Variants in ATP6V0A4 observed in about 807,000 individuals in gnomAD.
ATP6V0A4 encodes V-type proton ATPase 116 kDa subunit a 4.
In ATP6V0A4, 86 loss-of-function variants were observed where a neutral mutation model predicts 107.3. The observed-to-expected ratio is 0.80, with a 90% CI of 0.67 to 0.96. The LOEUF (loss-of-function observed/expected upper bound fraction) is 0.96, where lower values mean the gene tolerates loss of function less well. Among genes scored for constraint, ATP6V0A4 ranks in the 40% least tolerant of loss-of-function variants. The pLI is 0.00. For missense variants in ATP6V0A4, 908 were observed against 1,045.6 expected (o/e 0.87, Z 1.81); for synonymous variants, 353 against 381.4 (o/e 0.93, Z 0.87).
intron 8 of ATP6V0A4, among the ~76,000 whole-genome samples, chr7:138,757,963 T>C (rs1046208564): frequency 3.3e-5 from 5 of 152,176 alleles, no homozygotes; most frequent in South Asian, 2.1e-4. Context: ...TTCCAAAAGG[T>C]TTCTCTACCC....
At chr7:138,722,159 T>A in intron 18 of ATP6V0A4, 134 bp from the exon 19 acceptor site, 1 of 1,437,560 alleles carries the variant, frequency 7.0e-7, no homozygotes, top group Non-Finnish European at 9.4e-7. Context: ...ACTATCTCAT[T>A]AAGCCCTCAC....
Position 138,761,678 on chromosome 7 carries a change from ATATTT to A in ATP6V0A4, c.512+657_512+661del, listed in dbSNP as rs1584934057. On this transcript the variant is annotated intron_variant, in intron 7 of 21. Coordinates refer to ENST00000310018, the MANE Select transcript of ATP6V0A4 (RefSeq NM_020632.3). ...CCAAATGCATTTTATTATCAAAGTA[ATATTT>A]TATTTTATTTTCTTGAGCTGGAGTC... is the stretch of plus-strand genomic sequence containing the variant. Among the ~76,000 whole-genome samples the A allele has an allele frequency of 3.3e-5, 5 of 151,236 alleles. No individual in the cohort carries two copies. In the East Asian group the frequency reaches 9.8e-4, roughly 30 times the overall value.
chr7:138,766,431 C>T (rs1436460264), intron 5 of ATP6V0A4, among the ~76,000 whole-genome samples: 2 of 151,986 alleles, frequency 1.3e-5, no homozygotes, highest in African/African-American at 4.8e-5. Flanking sequence ...GTCTCGAACT[C>T]CTGACCTCAA....
At position 138,763,200 on chromosome 7, in the gene ATP6V0A4, C is replaced by T. The variant is rs1358942051; in HGVS notation, c.292-175G>A. The T allele has an allele frequency of 1.9e-5, 7 of 368,726 alleles. No homozygotes were observed. The Admixed American group carries it at 4.5e-4, about 24-fold the overall frequency. 22.8% of individuals were successfully genotyped at this position (368,726 alleles called of 1,614,324 possible). A position where few individuals can be genotyped will look rare whatever the true frequency, so the allele number is the denominator to read the frequency against. ...AGACACACACAGACACACACACACA[C>T]ACACACACACACGTGCATGCTCTCT... On this transcript the variant is annotated intron_variant, in intron 5 of 21. Coordinates refer to ENST00000310018, the MANE Select transcript of ATP6V0A4 (RefSeq NM_020632.3).
chr7:138,756,336 G>C, intron 9 of ATP6V0A4, 122 bp downstream of exon 9: 1 of 1,517,994 alleles, frequency 6.6e-7, no homozygotes, highest in South Asian at 1.2e-5. Context: ...TTTTATGTGA[G>C]AAAGTTATTC....
chr7:138,743,634 G>T (rs1467858056), intron 14 of ATP6V0A4, among the ~76,000 whole-genome samples: 2 of 152,156 alleles, frequency 1.3e-5, no homozygotes, highest in African/African-American at 2.4e-5. Context: ...GGGAGAGGAA[G>T]AATGGGAAAA....
chr7:138,710,351 C>G (rs1427389744), intron 20 of ATP6V0A4, among the ~76,000 whole-genome samples: 1 of 152,024 alleles, frequency 6.6e-6, no homozygotes, highest in African/African-American at 2.4e-5. Context: ...GCAACTACAC[C>G]CAGCTAATTT....
chr7:138,751,381 C>T (rs1806216577), intron 11 of ATP6V0A4, among the ~76,000 whole-genome samples: 1 of 152,120 alleles, frequency 6.6e-6, no homozygotes, highest in Non-Finnish European at 1.5e-5. Context: ...CTAAAAACAG[C>T]TGTCAAGCCC....
chr7:138,752,581 G>T, intron 11 of ATP6V0A4, 44 bp downstream of exon 11: 1 of 1,608,892 alleles, frequency 6.2e-7, no homozygotes. Flanking sequence ...GCCCAGCAGA[G>T]GGGCTGACTC....
chr7:138,778,952 C>T (rs1241648838), intron 2 of ATP6V0A4, among the ~76,000 whole-genome samples: 1 of 152,136 alleles, frequency 6.6e-6, no homozygotes, highest in Non-Finnish European at 1.5e-5. Flanking sequence ...CCTCCAGCCC[C>T]GGTGGTAGCA....
chr7:138,746,659 A>G (rs955502637), intron 13 of ATP6V0A4, among the ~76,000 whole-genome samples: 4 of 152,140 alleles, frequency 2.6e-5, no homozygotes, highest in African/African-American at 9.7e-5. Context: ...GCCCACCACC[A>G]TGCCTGGCTA....
chr7:138,776,104 T>C (rs1244744585), intron 2 of ATP6V0A4, among the ~76,000 whole-genome samples: 3 of 152,190 alleles, frequency 2.0e-5, no homozygotes, highest in Non-Finnish European at 2.9e-5. Context: ...TGAACCACCA[T>C]GCCTGGCCAA....
At position 138,745,658 on chromosome 7, in the gene ATP6V0A4, C is replaced by CAAAAAAAAAAAAAAAAAAAAAAA; in HGVS notation, c.1321-379_1321-378insTTTTTTTTTTTTTTTTTTTTTTT. On this transcript the variant is annotated intron_variant, in intron 13 of 21. Transcript: ENST00000310018. The stretch of plus-strand genomic sequence containing the variant: ...CACCACTGCGCTCCAGCCTGTGTCT[C>CAAAAAAAAAAAAAAAAAAAAAAA]AAAAAAAAAAAAAGGCCGGGTGTGA... 2.2e-3 allele frequency among the ~76,000 whole-genome samples: 95 copies of CAAAAAAAAAAAAAAAAAAAAAAA among 42,712 alleles called. 17 individuals carry two copies. Among genetic ancestry groups the CAAAAAAAAAAAAAAAAAAAAAAA allele is most frequent in the African/African-American group, 3.8e-3 (39 of 10,248 alleles). 28.0% of individuals were successfully genotyped at this position (42,712 alleles called of 152,430 possible).
chr7:138,739,711 A>C lies in ATP6V0A4; in HGVS notation c.1479-78T>G. Reference sequence around the variant, plus strand: ...GATACTATAATACCACCAGTCACGAACTTGCCCATCAAAGTCCAACTACTG... The same window carrying C: ...GATACTATAATACCACCAGTCACGACCTTGCCCATCAAAGTCCAACTACTG... On this transcript the variant is annotated intron_variant, in intron 14 of 21. Coordinates refer to ENST00000310018, the MANE Select transcript of ATP6V0A4 (RefSeq NM_020632.3). 8 of 1,575,874 alleles carry C rather than the reference A, an allele frequency of 5.1e-6. No homozygotes were observed. The South Asian group carries it at 9.1e-5, about 18-fold the overall frequency.
intron 2 of ATP6V0A4, among the ~76,000 whole-genome samples, chr7:138,774,232 C>A (rs991323128): frequency 6.6e-6 from 1 of 152,158 alleles, no homozygotes; most frequent in African/African-American, 2.4e-5. Context: ...CTTAGAAGGA[C>A]CCCAGTAAAC....
In ATP6V0A4 at chr7:138,731,901, A is replaced by AAAATAAAT. The variant is rs59314409; in HGVS notation, c.1908+968_1908+975dup. On this transcript the variant is annotated intron_variant, in intron 17 of 21. Transcript: ENST00000310018. ...GAGTGGGACTCCATCTCCAAAAATA[A>AAAATAAAT]AAATAAATAAATAAATAAATAAATA... is the stretch of plus-strand genomic sequence containing the variant. Among the ~76,000 whole-genome samples, 652 of 146,700 alleles carry AAAATAAAT rather than the reference A, an allele frequency of 4.4e-3. 2 individuals are homozygous for AAAATAAAT. Among genetic ancestry groups the AAAATAAAT allele is most frequent in the African/African-American group, 5.8e-3 (232 of 39,886 alleles).
intron 5 of ATP6V0A4, among the ~76,000 whole-genome samples, chr7:138,766,166 G>A (rs1282099180): frequency 6.6e-6 from 1 of 151,728 alleles, no homozygotes; most frequent in African/African-American, 2.4e-5. Context: ...ATGTATGAAT[G>A]TAGAGCTTTA....
At position 138,752,946 on chromosome 7, in the gene ATP6V0A4, G is replaced by T. The variant is rs181429801; in HGVS notation, c.817-109C>A. On this transcript the variant is annotated intron_variant, in intron 10 of 21. Transcript: ENST00000310018. ...ACAGCAGCTTCCTCTGCTCTGGCAG[G>T]CTCCTTTGACCTGTGGCTGTCACCT... is the stretch of plus-strand genomic sequence containing the variant. 1.9e-4 allele frequency: 298 copies of T among 1,540,976 alleles called. 3 individuals carry two copies. The East Asian group carries it at 3.5e-3, about 18-fold the overall frequency.
chr7:138,726,214 C>T (rs920279490), intron 18 of ATP6V0A4, among the ~76,000 whole-genome samples: 7 of 152,126 alleles, frequency 4.6e-5, no homozygotes, highest in South Asian at 4.1e-4. Flanking sequence ...TGGTCTCGAT[C>T]TCCTGACCTT....
Sources: gnomAD v4.1 joint callset for allele counts (sites outside exome capture counted in the v4.1 genomes callset) on GRCh38, gnomAD v4.1.1 for gene constraint, MANE v1.5 for transcripts, NCBI Gene and HGNC (gene_info 2026-07-23, HGNC 2026-07-21) for gene names.